C10orf90: variants seen among roughly 807,000 people sequenced by gnomAD.
C10orf90 encodes the protein chromosome 10 open reading frame 90.
A neutral mutation model predicts 62.5 loss-of-function variants in C10orf90; 56 were observed. The ratio of observed to expected loss-of-function variants is 0.90; its 90% CI spans 0.72 to 1.12. C10orf90 has a LOEUF of 1.12. Ranked by LOEUF, C10orf90 falls within the 50% of genes most tolerant of loss-of-function variation. The pLI is 0.00. For synonymous variants in C10orf90, 386 were observed against 340.4 expected (o/e 1.13, Z -1.47); for missense variants, 970 against 880.4 (o/e 1.10, Z -1.29).
Position 126,504,832 on chromosome 10 carries a change from G to T in C10orf90, c.659C>A (p.Pro220Gln). The part of the protein sequence containing the change: ...SDERGPEAEL[P>Q]PKEERPCGGP... ...CCCACAGGGTCTCTCCTCTTTGGGC[G>T]GCAGCTCTGCCTCAGGTCCTCGCTC... is the stretch of plus-strand genomic sequence containing the variant. The change falls in exon 4 of 10, where the codon CCG becomes CAG. Residue 220 changes from proline to glutamine, a missense_variant. By Grantham distance (76) the Pro-to-Gln change is moderately conservative (BLOSUM62 -1). Coordinates refer to ENST00000488181, the MANE Select transcript of C10orf90 (RefSeq NM_001350921.2). This position sits in a 1 kb window ranked among gnomAD's most constrained non-coding sequence, Gnocchi z 4.1. The T allele has an allele frequency of 6.2e-7, 1 of 1,603,476 alleles. No homozygotes were observed. Among genetic ancestry groups the T allele is most frequent in the Non-Finnish European group, 8.5e-7 (1 of 1,173,778 alleles).
At chr10:126,563,499 A>C (rs1196176649) in intron 2 of C10orf90, among the ~76,000 whole-genome samples, 1 of 152,190 alleles carries the variant, frequency 6.6e-6, no homozygotes, top group African/African-American at 2.4e-5. Context: ...TCTATCTATA[A>C]CAAAAGGACA....
intron 4 of C10orf90, among the ~76,000 whole-genome samples, chr10:126,482,060 C>T (rs887297082): frequency 6.6e-6 from 1 of 151,960 alleles, no homozygotes; most frequent in African/African-American, 2.4e-5. Flanking sequence ...TTTTTTTGTC[C>T]AATCACATTT....
chr10:126,536,202 C>A (rs1378457710), intron 2 of C10orf90, among the ~76,000 whole-genome samples: 1 of 152,140 alleles, frequency 6.6e-6, no homozygotes, highest in Non-Finnish European at 1.5e-5. Flanking sequence ...CACACACACA[C>A]GTGGATATGG....
rs1188355052 is a variant in C10orf90 at position 126,593,664 on chromosome 10, C to G, written c.313+52901G>C. Among the ~76,000 whole-genome samples, 4 of 152,146 alleles carry G rather than the reference C, an allele frequency of 2.6e-5. No homozygotes were observed. In the South Asian group the frequency reaches 8.3e-4, roughly 32 times the overall value. Reference sequence around the variant, plus strand: ...CCATGGCACATGTTTATCTACGTAACAAACCTGCACATGTGCCCCAGAACT... The same window carrying G: ...CCATGGCACATGTTTATCTACGTAAGAAACCTGCACATGTGCCCCAGAACT... On this transcript the variant is annotated intron_variant, in intron 2 of 9. Coordinates refer to ENST00000488181, the MANE Select transcript of C10orf90 (RefSeq NM_001350921.2).
At chr10:126,626,242 G>A (rs930951442) in intron 2 of C10orf90, among the ~76,000 whole-genome samples, 2 of 152,034 alleles carry the variant, frequency 1.3e-5, no homozygotes, top group African/African-American at 2.4e-5. Flanking sequence ...AGGGAAGGCT[G>A]GCCATTGCCT....
chr10:126,575,565 G>GA (rs570446562), intron 2 of C10orf90, among the ~76,000 whole-genome samples: 5,160 of 148,232 alleles, frequency 0.035, 295 homozygotes, highest in African/African-American at 0.12. Context: ...CACAGAAATT[G>GA]AAAAAAAAAA....
chr10:126,504,837 C>G lies in C10orf90; in HGVS notation c.654G>C (p.Glu218Asp), dbSNP rs546510549. 3 of 1,605,916 alleles carry G rather than the reference C, an allele frequency of 1.9e-6. No individual in the cohort carries two copies. The African/African-American group carries it at 4.0e-5, about 21-fold the overall frequency. The change falls in exon 4 of 10, where the codon GAG becomes GAC. Residue 218 changes from glutamate (E) to aspartate (D), a missense_variant. By Grantham distance (45) the Glu-to-Asp change is conservative. Transcript: ENST00000488181. This position sits in a 1 kb window ranked among gnomAD's most constrained non-coding sequence, Gnocchi z 4.1. ...AGGGTCTCTCCTCTTTGGGCGGCAG[C>G]TCTGCCTCAGGTCCTCGCTCATCTG... ...APSDERGPEA[E>D]LPPKEERPCG...
In C10orf90 at chr10:126,604,379, T is replaced by G. The variant is rs796824262; in HGVS notation, c.313+42186A>C. Among the ~76,000 whole-genome samples, 7 of 152,332 alleles carry G rather than the reference T, an allele frequency of 4.6e-5. 1 individual carries two copies. Among genetic ancestry groups the G allele is most frequent in the African/African-American group, 1.4e-4 (6 of 41,582 alleles). On this transcript the variant is annotated intron_variant, in intron 2 of 9. Coordinates refer to ENST00000488181, the MANE Select transcript of C10orf90 (RefSeq NM_001350921.2). ...TGCCTGAATTGTTTGGCTATCTTGA[T>G]TCCTCATTTTCTTTCTCAGACTTGA...
chr10:126,492,429 A>T (rs1263697506), intron 4 of C10orf90, among the ~76,000 whole-genome samples: 2 of 152,256 alleles, frequency 1.3e-5, no homozygotes, highest in Non-Finnish European at 2.9e-5. Context: ...TGTAAATGTT[A>T]AGGGGAAGCT....
At chr10:126,529,204 T>C (rs1439295767) in intron 2 of C10orf90, among the ~76,000 whole-genome samples, 1 of 152,200 alleles carries the variant, frequency 6.6e-6, no homozygotes, top group Non-Finnish European at 1.5e-5. Context: ...TTCCTTACCA[T>C]ACCTACAAAT....
At chr10:126,503,644 G>A (rs773967373) in intron 4 of C10orf90, among the ~76,000 whole-genome samples, 2 of 152,090 alleles carry the variant, frequency 1.3e-5, no homozygotes, top group Non-Finnish European at 2.9e-5. Context: ...CTTTTGGAAC[G>A]CAATTTGGGC....
intron 2 of C10orf90, among the ~76,000 whole-genome samples, chr10:126,627,470 C>T (rs956355291): frequency 1.1e-4 from 17 of 151,764 alleles, no homozygotes; most frequent in African/African-American, 3.1e-4. Context: ...AAGGAGCACA[C>T]GTCTTGATTG....
At chr10:126,558,697 C>A (rs1245235808) in intron 2 of C10orf90, among the ~76,000 whole-genome samples, 1 of 152,218 alleles carries the variant, frequency 6.6e-6, no homozygotes, top group Non-Finnish European at 1.5e-5. Flanking sequence ...CCATGTCAAA[C>A]TCACACTGTT....
chr10:126,438,464 CT>C (rs200564506), intron 7 of C10orf90, among the ~76,000 whole-genome samples: 3 of 151,232 alleles, frequency 2.0e-5, no homozygotes, highest in African/African-American at 7.3e-5. Context: ...TTTAAGGTGG[CT>C]TTTTTTTTCT....
At chr10:126,546,660 C>T (rs768727541) in intron 2 of C10orf90, among the ~76,000 whole-genome samples, 2 of 152,218 alleles carry the variant, frequency 1.3e-5, no homozygotes, top group Non-Finnish European at 1.5e-5. Context: ...GAGGATTTCC[C>T]CCCTCTTGGG....
chr10:126,557,060 A>G (rs978136732), intron 2 of C10orf90, among the ~76,000 whole-genome samples: 4 of 151,544 alleles, frequency 2.6e-5, no homozygotes, highest in Non-Finnish European at 4.4e-5. Flanking sequence ...GCACCAACCT[A>G]ATAGGAACTA....
chr10:126,534,573 AG>A (rs1198823239), intron 2 of C10orf90, among the ~76,000 whole-genome samples: 2 of 152,210 alleles, frequency 1.3e-5, no homozygotes, highest in Non-Finnish European at 2.9e-5. Context: ...AGATCCAAAA[AG>A]CACATCCTCC....
At chr10:126,549,743 G>GC (rs751584500) in intron 2 of C10orf90, among the ~76,000 whole-genome samples, 10 of 39,088 alleles carry the variant, frequency 2.6e-4, no homozygotes, top group African/African-American at 1.4e-3. Context: ...ATTCATAATA[G>GC]CAAAAAAAAA....
chr10:126,504,642 T>C lies in C10orf90; in HGVS notation c.849A>G (p.Pro283=), dbSNP rs1186890449. The part of the protein sequence containing the change: ...APPALANGAH[P]GRHQRSFACT... ...AGGCAAAAGATCTCTGATGCCGACCTGGATGGGCGCCATTGGCCAGAGCCG... is the reference window on the plus strand; with the variant it reads ...AGGCAAAAGATCTCTGATGCCGACCCGGATGGGCGCCATTGGCCAGAGCCG... Residue 283 remains proline, a synonymous_variant, in exon 4 of 10, where the codon CCA becomes CCG. Transcript: ENST00000488181. This position sits in a 1 kb window ranked among gnomAD's most constrained non-coding sequence, Gnocchi z 4.1. The C allele has an allele frequency of 6.2e-7, 1 of 1,614,216 alleles. No individual in the cohort carries two copies.
Sources: allele counts gnomAD v4.1 joint callset (sites outside exome capture counted in the v4.1 genomes callset), GRCh38; gene constraint gnomAD v4.1.1; non-coding constraint Gnocchi (gnomAD v3.1); transcripts MANE v1.5; gene names NCBI Gene and HGNC (gene_info 2026-07-23, HGNC 2026-07-21).